The following APBA1 variants were observed in gnomAD, a reference collection of about 807,000 sequenced individuals.
APBA1 encodes the protein amyloid-beta A4 precursor protein-binding family A member 1.
In APBA1, 55 loss-of-function variants were observed where a neutral mutation model predicts 86.6. That is an observed-to-expected ratio of 0.64 (90% CI 0.51 to 0.80). The LOEUF (loss-of-function observed/expected upper bound fraction) is 0.80. Ranked by LOEUF, APBA1 falls within the 30% of genes least tolerant of loss-of-function variation. The probability of loss-of-function intolerance (pLI) is 0.00; values close to 1 mark genes in which losing one functional copy is unlikely to be tolerated. For missense variants in APBA1, 1,090 were observed against 1,183.0 expected (o/e 0.92, Z 1.15); for synonymous variants, 511 against 493.9 (o/e 1.03, Z -0.46).
chr9:69,482,263 A>G (rs1835524281), intron 2 of APBA1, among the ~76,000 whole-genome samples: 1 of 91,318 alleles, frequency 1.1e-5, no homozygotes, highest in Non-Finnish European at 2.3e-5. Flanking sequence ...AATGAACTCA[A>G]ACAAATTTAC....
At chr9:69,446,276 G>A (rs912316150) in intron 10 of APBA1, among the ~76,000 whole-genome samples, 7 of 151,832 alleles carry the variant, frequency 4.6e-5, no homozygotes, top group East Asian at 2.0e-4. Flanking sequence ...GGTGGTCCAC[G>A]GACGGACCAT....
chr9:69,672,677 G>C (rs1465363107), upstream of APBA1: 1 of 151,992 alleles, frequency 6.6e-6, no homozygotes, highest in Non-Finnish European at 1.5e-5. Flanking sequence ...TCCGGGTTCC[G>C]AAGGGCCCGC....
intron 1 of APBA1, among the ~76,000 whole-genome samples, chr9:69,593,094 T>C (rs1004785771): frequency 2.0e-5 from 3 of 152,260 alleles, no homozygotes; most frequent in Non-Finnish European, 4.4e-5. Flanking sequence ...GGCTTTACAG[T>C]GTCTATACCT....
chr9:69,518,036 T>C (rs1836195667), intron 1 of APBA1, among the ~76,000 whole-genome samples: 1 of 152,176 alleles, frequency 6.6e-6, no homozygotes. Flanking sequence ...TAGAGGCCAA[T>C]GTTACATAGC....
intron 1 of APBA1, among the ~76,000 whole-genome samples, chr9:69,565,677 C>T (rs1837014499): frequency 6.6e-6 from 1 of 152,200 alleles, no homozygotes; most frequent in African/African-American, 2.4e-5. Flanking sequence ...CCCTCTTATT[C>T]TCCGCGTCCA....
Position 69,516,418 on chromosome 9 carries a change from C to T in APBA1, c.793G>A (p.Glu265Lys). Residue 265 changes from glutamate (E) to lysine (K), a missense_variant, in exon 2 of 13, where the codon GAG becomes AAG. Physicochemically the swap from Glu to Lys is moderately conservative, Grantham distance 56. Transcript: ENST00000265381. This position sits in a 1 kb window ranked among gnomAD's most constrained non-coding sequence, Gnocchi z 7.3. ...ATCTGGTCGATGTCCTCCTCCTGCTCGTAGCTGTCCATGCGCGGGTAGGGC... is the reference window on the plus strand; with the variant it reads ...ATCTGGTCGATGTCCTCCTCCTGCTTGTAGCTGTCCATGCGCGGGTAGGGC... ...FAPYPRMDSYEQEEDIDQIVA... is the reference protein window; with the variant it reads ...FAPYPRMDSYKQEEDIDQIVA... The T allele has an allele frequency of 1.2e-6, 2 of 1,605,010 alleles. No individual in the cohort carries two copies. Among genetic ancestry groups the T allele is most frequent in the African/African-American group, 1.3e-5 (1 of 74,914 alleles).
At chr9:69,436,296 T>G (rs1217772584) in intron 11 of APBA1, among the ~76,000 whole-genome samples, 1 of 150,498 alleles carries the variant, frequency 6.6e-6, no homozygotes, top group East Asian at 1.9e-4. Flanking sequence ...TTTAAAGTAG[T>G]TTTTTCCAAT....
intron 1 of APBA1, among the ~76,000 whole-genome samples, chr9:69,578,616 G>A (rs903322283): frequency 3.3e-5 from 5 of 152,186 alleles, no homozygotes; most frequent in Admixed American, 2.0e-4. Flanking sequence ...TACAAAGATT[G>A]AGAAATAAAT....
At chr9:69,537,034 C>T (rs537167100) in intron 1 of APBA1, among the ~76,000 whole-genome samples, 16 of 146,112 alleles carry the variant, frequency 1.1e-4, no homozygotes, top group South Asian at 2.2e-4. Context: ...ATCACCACTA[C>T]GCACTAAGAT....
chr9:69,600,843 T>TA (rs935814280), intron 1 of APBA1, among the ~76,000 whole-genome samples: 1 of 147,508 alleles, frequency 6.8e-6, no homozygotes, highest in Non-Finnish European at 1.5e-5. Context: ...TAAAATAAAA[T>TA]AAAAAATAAA....
At chr9:69,671,050 A>C (rs1019338125) in intron 1 of APBA1, among the ~76,000 whole-genome samples, 2 of 151,962 alleles carry the variant, frequency 1.3e-5, no homozygotes, top group African/African-American at 4.8e-5. Context: ...GCATCTCTCT[A>C]TACGTATACA....
intron 1 of APBA1, among the ~76,000 whole-genome samples, chr9:69,567,547 A>C (rs1213909054): frequency 6.6e-6 from 1 of 151,988 alleles, no homozygotes; most frequent in Non-Finnish European, 1.5e-5. Context: ...TACATTAGGT[A>C]TATCTCCTAA....
chr9:69,520,300 A>G lies in APBA1; in HGVS notation c.-69-3021T>C, dbSNP rs1836232024. On this transcript the variant is annotated intron_variant, in intron 1 of 12. Coordinates refer to ENST00000265381, the MANE Select transcript of APBA1 (RefSeq NM_001163.4). ...AAAACATTTAAGCTGCTTTTTAAAA[A>G]TCCTAGGTTATTGTGGGAGTATATT... Among the ~76,000 whole-genome samples, 3 of 152,174 alleles carry G rather than the reference A, an allele frequency of 2.0e-5. No homozygotes were observed. The South Asian group carries it at 6.2e-4, about 32-fold the overall frequency.
chr9:69,455,433 T>C (rs1835079944), intron 8 of APBA1, among the ~76,000 whole-genome samples: 1 of 152,148 alleles, frequency 6.6e-6, no homozygotes, highest in South Asian at 2.1e-4. Context: ...TAGTTCAGGC[T>C]GCAGTTTGCA....
chr9:69,511,637 G>A (rs1012808304), intron 2 of APBA1, among the ~76,000 whole-genome samples: 8 of 151,832 alleles, frequency 5.3e-5, no homozygotes, highest in African/African-American at 7.3e-5. Context: ...TGTTTACTGC[G>A]GCATTATTCA....
At position 69,449,578 on chromosome 9, in the gene APBA1, A is replaced by G. The variant is rs572989691; in HGVS notation, c.2181+6T>C. The G allele has an allele frequency of 1.9e-6, 3 of 1,612,322 alleles. No homozygotes were observed. The East Asian group carries it at 6.7e-5, about 36-fold the overall frequency. ...ACATCAACTGATTTTTCCCATATTC[A>G]GGTACCTTAATAATGCTCTGGCAGG... is the stretch of plus-strand genomic sequence containing the variant. On this transcript the variant is annotated splice_donor_region_variant and intron_variant, in intron 10 of 12. Coordinates refer to ENST00000265381, the MANE Select transcript of APBA1 (RefSeq NM_001163.4).
intron 9 of APBA1, among the ~76,000 whole-genome samples, chr9:69,450,060 T>G (rs1022482038): frequency 6.9e-6 from 1 of 144,200 alleles, no homozygotes; most frequent in East Asian, 2.0e-4. Flanking sequence ...CCACCAGTTT[T>G]TTTTTTTTTT....
At chr9:69,633,185 A>G (rs1248903574) in intron 1 of APBA1, among the ~76,000 whole-genome samples, 1 of 151,142 alleles carries the variant, frequency 6.6e-6, no homozygotes, top group Non-Finnish European at 1.5e-5. Context: ...TCAGGCCTAC[A>G]TAGGGTTAAA....
chr9:69,619,152 A>C, intron 1 of APBA1, among the ~76,000 whole-genome samples: 1 of 152,180 alleles, frequency 6.6e-6, no homozygotes, highest in East Asian at 1.9e-4. Context: ...ATTGAAAGGA[A>C]ATTTAAGTCC....
Sources: gnomAD v4.1 joint callset for allele counts (sites outside exome capture counted in the v4.1 genomes callset) on GRCh38, gnomAD v4.1.1 for gene constraint, Gnocchi (gnomAD v3.1) non-coding constraint, MANE v1.5 for transcripts, NCBI Gene and HGNC (gene_info 2026-07-23, HGNC 2026-07-21) for gene names.